Variants in MACF1 observed in about 807,000 individuals in gnomAD.
MACF1 encodes the protein microtubule-actin cross-linking factor 1.
Under a neutral mutation model 854.8 loss-of-function variants are expected in MACF1, and 193 were observed. That is an observed-to-expected ratio of 0.23 (90% confidence interval 0.20 to 0.25). The LOEUF is 0.25. Ranked by LOEUF, MACF1 falls within the 10% of genes least tolerant of loss-of-function variation. MACF1 has a pLI of 1.00. For synonymous variants in MACF1, 3,185 were observed against 3,226.7 expected, an observed-to-expected ratio of 0.99 and a Z score of 0.44; for missense variants, 7,722 against 8,929.1, an observed-to-expected ratio of 0.86 and a Z score of 5.45.
intron 2 of MACF1, among the ~76,000 whole-genome samples, chr1:39,183,465 G>A (rs1340898340): frequency 2.0e-5 from 3 of 152,138 alleles, no homozygotes; most frequent in Admixed American, 6.5e-5. Context: ...TCTTGAAGTT[G>A]TCTTGAATAT....
intron 95 of MACF1, among the ~76,000 whole-genome samples, chr1:39,466,106 T>A (rs1284914301): frequency 6.6e-6 from 1 of 152,236 alleles, no homozygotes; most frequent in African/African-American, 2.4e-5. Flanking sequence ...CACAGGCAAC[T>A]GAGGCCTCAA....
Position 39,258,154 on chromosome 1 carries a change from G to A in MACF1, c.528+126G>A. 10 of 779,836 alleles carry A rather than the reference G, an allele frequency of 1.3e-5. No homozygotes were observed. In the South Asian group the frequency reaches 1.4e-4, roughly 11 times the overall value. The allele number at this position is 779,836 out of a possible 1,614,324, so 48.3% of individuals were successfully genotyped here. A position where few individuals can be genotyped will look rare whatever the true frequency, so the allele number is the denominator to read the frequency against. On this transcript the variant is annotated intron_variant, in intron 6 of 100. Transcript: ENST00000564288. ...TTTGTCAGTGAACAAAGGTGGATGG[G>A]AGTTGGAAAGGAAAATTAAGATTGA... is the stretch of plus-strand genomic sequence containing the variant.
At chr1:39,143,962 T>TG (rs1557480129) in intron 2 of MACF1, among the ~76,000 whole-genome samples, 1 of 151,678 alleles carries the variant, frequency 6.6e-6, no homozygotes, top group African/African-American at 2.4e-5. Context: ...TAATTTTTTT[T>TG]CATTTTTAGT....
At chr1:39,344,395 G>T (rs1268246632) in intron 40 of MACF1, among the ~76,000 whole-genome samples, 1 of 151,442 alleles carries the variant, frequency 6.6e-6, no homozygotes, top group African/African-American at 2.4e-5. Flanking sequence ...TCGTGCCACT[G>T]GACTCCAGCC....
At chr1:39,194,847 TGGGCCTGGCTAA>T in intron 2 of MACF1, among the ~76,000 whole-genome samples, 1 of 151,992 alleles carries the variant, frequency 6.6e-6, no homozygotes, top group Non-Finnish European at 1.5e-5. Context: ...GTGTAACCAC[TGGGCCTGGCTAA>T]GTGTTATTAT....
At chr1:39,269,272 T>C (rs1479053152) in intron 6 of MACF1, 2 of 1,289,856 alleles carry the variant, frequency 1.6e-6, no homozygotes, top group South Asian at 1.2e-5. Flanking sequence ...AAAGGAAATA[T>C]TCAGCGTGGG....
Position 39,193,790 on chromosome 1 carries a change from G to GA in MACF1, c.221-37392_221-37391insA, listed in dbSNP as rs1491568107. On this transcript the variant is annotated intron_variant, in intron 2 of 93. Transcript: ENST00000361689. Reference sequence around the variant, plus strand: ...ATTTACAGCCCTGGTAAGAGAGAGAGGGAGAGAGAGAGAGAGAGAGGCAGG... The same window carrying GA: ...ATTTACAGCCCTGGTAAGAGAGAGAGAGGAGAGAGAGAGAGAGAGAGGCAGG... 5.7e-4 allele frequency among the ~76,000 whole-genome samples: 86 copies of GA among 152,054 alleles called. 1 individual carries two copies. The highest frequency in any genetic ancestry group is 6.8e-3 in the Middle Eastern group (2 of 294).
At position 39,250,018 on chromosome 1, in the gene MACF1, G is replaced by A. The variant is rs1220306902; in HGVS notation, c.176G>A (p.Arg59His). The change falls in exon 3 of 101, where the codon CGC becomes CAC. Residue 59 changes from arginine to histidine, a missense_variant. Physicochemically the swap from Arg to His is conservative, Grantham distance 29. Coordinates refer to ENST00000564288, the MANE Select transcript of MACF1 (RefSeq NM_001394062.1). ...CTGTTTCACTCTCATTCACAGGTCC[G>A]CAAGCACATCAATGATCTTTATGAA... ...KWVNKHLMKV[R>H]KHINDLYEDL... The A allele has an allele frequency of 1.6e-5, 26 of 1,603,520 alleles. No individual in the cohort carries two copies. The highest frequency in any genetic ancestry group is 2.2e-5 in the South Asian group (2 of 90,248).
At chr1:39,462,966 A>C (rs188134768) in intron 93 of MACF1, among the ~76,000 whole-genome samples, 43 of 152,302 alleles carry the variant, frequency 2.8e-4, no homozygotes, top group African/African-American at 1.0e-3. Context: ...GTGAAATTTA[A>C]AGCAGTTCAT....
At chr1:39,194,323 TTTC>T (rs1339597879) in intron 2 of MACF1, among the ~76,000 whole-genome samples, 1 of 27,084 alleles carries the variant, frequency 3.7e-5, no homozygotes, top group Non-Finnish European at 1.3e-4. Flanking sequence ...TGGAATTTCT[TTTC>T]TTTTCTTTTC....
intron 4 of MACF1, among the ~76,000 whole-genome samples, chr1:39,252,927 T>C (rs1171728527): frequency 6.6e-6 from 1 of 152,168 alleles, no homozygotes; most frequent in African/African-American, 2.4e-5. Context: ...TGTGTTAGGG[T>C]ACTTTTTGCC....
intron 58 of MACF1, among the ~76,000 whole-genome samples, chr1:39,393,190 A>ATATATATAT (rs1427429683): frequency 2.0e-4 from 17 of 86,646 alleles, no homozygotes; most frequent in African/African-American, 9.9e-4. Context: ...GTAAAAAAAA[A>ATATATATAT]AAAAAAATAT....
At chr1:39,428,329 T>C (rs1226172569) in intron 63 of MACF1, 42 bp downstream of exon 63, 3 of 1,481,470 alleles carry the variant, frequency 2.0e-6, no homozygotes, top group East Asian at 2.5e-5. Context: ...TATTCTGTTA[T>C]TTTGTTATTT....
At chr1:39,435,478 A>T in intron 69 of MACF1, 80 bp from the exon 70 acceptor site, 1 of 1,170,440 alleles carries the variant, frequency 8.5e-7, no homozygotes, top group Middle Eastern at 2.5e-4. Flanking sequence ...CTTAAAGTTG[A>T]TATTAGCTCT....
At chr1:39,406,741 A>AG (rs1397340585) in intron 58 of MACF1, among the ~76,000 whole-genome samples, 1 of 146,208 alleles carries the variant, frequency 6.8e-6, no homozygotes, top group African/African-American at 2.7e-5. Context: ...TCTCACTCAA[A>AG]AAAAAAAAAA....
chr1:39,262,527 G>T (rs1438878464), intron 6 of MACF1, among the ~76,000 whole-genome samples: 1 of 151,966 alleles, frequency 6.6e-6, no homozygotes, highest in Non-Finnish European at 1.5e-5. Context: ...CTTGACAGAG[G>T]TTTAGAGAAT....
chr1:39,410,783 C>G (rs371219849), intron 58 of MACF1: 6 of 1,613,884 alleles, frequency 3.7e-6, no homozygotes, highest in African/African-American at 1.3e-5. Context: ...GAGTCCAGTT[C>G]TGCATTAACA....
Position 39,387,348 on chromosome 1 carries a change from A to C in MACF1, c.14506A>C (p.Asn4836His). The change falls in exon 58 of 101, where the codon AAT (asparagine) becomes CAT (histidine). Residue 4836 changes from asparagine to histidine, a missense_variant. Coordinates refer to ENST00000564288, the MANE Select transcript of MACF1 (RefSeq NM_001394062.1). Reference protein sequence around the residue: ...LERLQSQLQENEEFQKSLNQH... With the variant: ...LERLQSQLQEHEEFQKSLNQH... ...GCGGCTACAGTCTCAGCTACAGGAG[A>C]ATGAAGAGTTTCAGAAAAGTCTTAA... The C allele has an allele frequency of 6.2e-7, 1 of 1,614,170 alleles. No individual in the cohort carries two copies. Among genetic ancestry groups the C allele is most frequent in the Non-Finnish European group, 8.5e-7 (1 of 1,180,028 alleles).
Position 39,430,872 on chromosome 1 carries a change from G to A in MACF1, c.17301G>A (p.Val5767=), listed in dbSNP as rs750077602. ...TCAGTGACACTATTGGACAAAGGGT[G>A]GATGAAATTGATGCTGCTATTCAGA... The part of the protein sequence containing the change: ...KLVSDTIGQR[V]DEIDAAIQRS... Residue 5767 remains valine, a synonymous_variant, in exon 66 of 101, where the codon GTG becomes GTA. Coordinates refer to ENST00000564288, the MANE Select transcript of MACF1 (RefSeq NM_001394062.1). 1 of 1,612,454 alleles carries A rather than the reference G, an allele frequency of 6.2e-7. No individual in the cohort carries two copies. The highest frequency in any genetic ancestry group is 1.1e-5 in the South Asian group (1 of 90,988).
Sources: allele counts gnomAD v4.1 joint callset (sites outside exome capture counted in the v4.1 genomes callset), GRCh38; gene constraint gnomAD v4.1.1; transcripts MANE v1.5; gene names NCBI Gene and HGNC (gene_info 2026-07-23, HGNC 2026-07-21).